The following TSPAN18 variants were observed in gnomAD, a reference collection of about 807,000 sequenced individuals.
TSPAN18 encodes the protein tetraspanin 18, also known as tetraspanin-18.
TSPAN18 carries 14 observed loss-of-function variants against 27.3 expected under a neutral mutation model. The observed-to-expected ratio is 0.51, with a 90% CI of 0.34 to 0.80. The LOEUF (loss-of-function observed/expected upper bound fraction) is 0.80, where lower values mean the gene tolerates loss of function less well. Among genes scored for constraint, TSPAN18 ranks in the 30% least tolerant of loss-of-function variants. The pLI is 0.01. For synonymous variants in TSPAN18, 143 were observed against 136.5 expected (o/e 1.05, Z -0.33); for missense variants, 268 against 323.9 (o/e 0.83, Z 1.32).
chr11:44,930,910 C>A lies in TSPAN18; in HGVS notation c.*1732C>A. The A allele has an allele frequency of 1.9e-6, 1 of 525,356 alleles. No individual in the cohort carries two copies. Among genetic ancestry groups the A allele is most frequent in the Non-Finnish European group, 3.9e-6 (1 of 255,840 alleles). The allele number at this position is 525,356 out of a possible 1,614,324, so 32.5% of individuals were successfully genotyped here. A position where few individuals can be genotyped will look rare whatever the true frequency, so the allele number is the denominator to read the frequency against. ...ACAAGCCACCGGCATCCTGTATCAG[C>A]TTCCAGCCTCCCCTCAGGCTTTCCA... On this transcript the variant is annotated 3_prime_UTR_variant, in exon 10 of 10. Coordinates refer to ENST00000520358, the MANE Select transcript of TSPAN18 (RefSeq NM_130783.5).
intron 2 of TSPAN18, among the ~76,000 whole-genome samples, chr11:44,774,680 C>T (rs915143793): frequency 6.6e-6 from 1 of 152,100 alleles, no homozygotes; most frequent in Non-Finnish European, 1.5e-5. Context: ...TTTCTTTCCT[C>T]CATTCACTAG....
intron 3 of TSPAN18, among the ~76,000 whole-genome samples, chr11:44,880,470 G>A (rs368133297): frequency 6.6e-6 from 1 of 152,178 alleles, no homozygotes; most frequent in Non-Finnish European, 1.5e-5. Flanking sequence ...CAGTAAATGA[G>A]AGTGCGGGTG....
intron 5 of TSPAN18, among the ~76,000 whole-genome samples, chr11:44,917,093 C>A (rs1292608018): frequency 3.3e-5 from 5 of 152,214 alleles, no homozygotes; most frequent in African/African-American, 1.2e-4. Flanking sequence ...TCCAAGCAGG[C>A]AGCGCGCTGA....
intron 8 of TSPAN18, chr11:44,925,697 G>A (rs1257192630): frequency 1.3e-5 from 2 of 152,214 alleles, no homozygotes; most frequent in African/African-American, 4.8e-5. Flanking sequence ...ACCCCCATCT[G>A]GGGATTTGTT....
At chr11:44,899,131 A>C (rs1302222657) in intron 3 of TSPAN18, among the ~76,000 whole-genome samples, 2 of 152,230 alleles carry the variant, frequency 1.3e-5, no homozygotes, top group Non-Finnish European at 2.9e-5. Context: ...TTCCGGGTAC[A>C]AACAGGGAGT....
chr11:44,897,060 C>T (rs374924357), intron 3 of TSPAN18, among the ~76,000 whole-genome samples: 1 of 152,144 alleles, frequency 6.6e-6, no homozygotes, highest in East Asian at 1.9e-4. Context: ...CCTAGGAACA[C>T]CCCCACAGCC....
rs1565034432 is a variant in TSPAN18, at chr11:44,931,878, A to G, written c.*2700A>G. On this transcript the variant is annotated 3_prime_UTR_variant, in exon 10 of 10. Coordinates refer to ENST00000520358, the MANE Select transcript of TSPAN18 (RefSeq NM_130783.5). ...TTTTCACCCCGAAATACAACAGCCC[A>G]TAACAGAGACTTCCTCGGACCCCAC... 6.6e-6 allele frequency: 1 copy of G among 152,294 alleles called. No individual in the cohort carries two copies. Among genetic ancestry groups the G allele is most frequent in the Admixed American group, 6.5e-5 (1 of 15,286 alleles). 9.4% of individuals were successfully genotyped at this position (152,294 alleles called of 1,614,324 possible).
At chr11:44,802,964 G>T (rs1856514868) in intron 2 of TSPAN18, among the ~76,000 whole-genome samples, 1 of 152,164 alleles carries the variant, frequency 6.6e-6, no homozygotes. Context: ...CATGTTTGGG[G>T]AGAGTCATGG....
chr11:44,819,760 C>T (rs1375384508), intron 2 of TSPAN18, among the ~76,000 whole-genome samples: 1 of 150,786 alleles, frequency 6.6e-6, no homozygotes, highest in East Asian at 1.9e-4. Context: ...GTCTCTCATG[C>T]CAGTGCTCTG....
intron 2 of TSPAN18, among the ~76,000 whole-genome samples, chr11:44,842,325 C>G (rs147198287): frequency 1.2e-4 from 19 of 152,348 alleles, no homozygotes; most frequent in African/African-American, 4.6e-4. Flanking sequence ...TTAAGCCACA[C>G]GCTCACTGTA....
intron 2 of TSPAN18, among the ~76,000 whole-genome samples, chr11:44,787,655 C>A (rs1001454676): frequency 1.4e-5 from 2 of 146,704 alleles, no homozygotes; most frequent in African/African-American, 5.5e-5. Flanking sequence ...TAAAGAGAGA[C>A]TGCATGTAAA....
intron 4 of TSPAN18, among the ~76,000 whole-genome samples, chr11:44,906,778 G>A (rs1590665997): frequency 6.6e-6 from 1 of 152,334 alleles, no homozygotes; most frequent in Middle Eastern, 3.4e-3. Context: ...CTCGTGGAGA[G>A]TGGGAAAGGA....
chr11:44,867,903 G>C (rs1320136712), intron 3 of TSPAN18, among the ~76,000 whole-genome samples: 1 of 152,220 alleles, frequency 6.6e-6, no homozygotes, highest in Non-Finnish European at 1.5e-5. Context: ...CTTGTGCTGA[G>C]TTTGGGCTTT....
chr11:44,908,790 A>AGAAAGAAG (rs1859578260), intron 4 of TSPAN18, among the ~76,000 whole-genome samples: 6 of 94,548 alleles, frequency 6.3e-5, no homozygotes, highest in African/African-American at 9.8e-5. Flanking sequence ...AAAGAAAGAA[A>AGAAAGAAG]GAAAGAAAGA....
chr11:44,745,509 G>T (rs1373786211), intron 1 of TSPAN18, among the ~76,000 whole-genome samples: 2 of 152,202 alleles, frequency 1.3e-5, no homozygotes, highest in Admixed American at 1.3e-4. Context: ...GTCAGCAAGA[G>T]AATCTAAGGG....
In TSPAN18 at chr11:44,932,034, C is replaced by G. The variant is rs1276329733; in HGVS notation, c.*2856C>G. 1 of 152,184 alleles carries G rather than the reference C, an allele frequency of 6.6e-6. No individual in the cohort carries two copies. The highest frequency in any genetic ancestry group is 1.5e-5 in the Non-Finnish European group (1 of 68,064). 9.4% of individuals were successfully genotyped at this position (152,184 alleles called of 1,614,324 possible). A position where few individuals can be genotyped will look rare whatever the true frequency, so the allele number is the denominator to read the frequency against. On this transcript the variant is annotated 3_prime_UTR_variant, in exon 10 of 10. Transcript: ENST00000520358. ...GCTCTTTATGGGCTGGGGGTGAGGG[C>G]CCCTCCCCAGGGTCCCTGTTAATTT... is the stretch of plus-strand genomic sequence containing the variant.
chr11:44,835,676 C>T (rs1247471484), intron 2 of TSPAN18, among the ~76,000 whole-genome samples: 2 of 152,118 alleles, frequency 1.3e-5, no homozygotes, highest in African/African-American at 2.4e-5. Context: ...TACAGGCATA[C>T]CTGGTTTTAT....
chr11:44,805,925 A>C (rs1480499359), intron 2 of TSPAN18, among the ~76,000 whole-genome samples: 1 of 151,284 alleles, frequency 6.6e-6, no homozygotes, highest in Non-Finnish European at 1.5e-5. Flanking sequence ...TTTAGTACCT[A>C]CTCTAATCCA....
intron 2 of TSPAN18, among the ~76,000 whole-genome samples, chr11:44,831,986 G>A (rs1259453542): frequency 6.6e-6 from 1 of 152,178 alleles, no homozygotes; most frequent in African/African-American, 2.4e-5. Context: ...GCAGCTCAGA[G>A]TTCAAGGAAC....
Sources: allele counts gnomAD v4.1 joint callset (sites outside exome capture counted in the v4.1 genomes callset), GRCh38; gene constraint gnomAD v4.1.1; transcripts MANE v1.5; gene names NCBI Gene and HGNC (gene_info 2026-07-23, HGNC 2026-07-21).